Variants in NCOA3 observed in about 807,000 individuals in gnomAD.
The protein encoded by NCOA3 is nuclear receptor coactivator 3.
NCOA3 carries 51 observed loss-of-function variants against 158.8 expected under a neutral mutation model. The ratio of observed to expected loss-of-function variants is 0.32; its 90% CI spans 0.26 to 0.41. NCOA3 has a LOEUF of 0.41. Among genes scored for constraint, NCOA3 ranks in the 10% least tolerant of loss-of-function variants. NCOA3 has a pLI of 1.00. For synonymous variants in NCOA3, 537 were observed against 592.4 expected, an observed-to-expected ratio of 0.91 and a Z score of 1.36; for missense variants, 1,510 against 1,746.6, an observed-to-expected ratio of 0.86 and a Z score of 2.41.
intron 19 of NCOA3, among the ~76,000 whole-genome samples, chr20:47,650,477 C>G (rs1029353357): frequency 2.0e-5 from 3 of 151,880 alleles, no homozygotes; most frequent in Non-Finnish European, 4.4e-5. Context: ...TCTCGAACTC[C>G]TGACCTCAAG....
rs2086782167 is a variant in NCOA3, at chr20:47,651,079, AGCAGCAG to A, written c.3750_3756del (p.Gln1250HisfsTer35). The A allele has an allele frequency of 8.0e-7, 1 of 1,254,930 alleles. No individual in the cohort carries two copies. Among genetic ancestry groups the A allele is most frequent in the Non-Finnish European group, 1.1e-6 (1 of 900,714 alleles). The allele number at this position is 1,254,930 out of a possible 1,614,324, so 77.7% of individuals were successfully genotyped here. A position where few individuals can be genotyped will look rare whatever the true frequency, so the allele number is the denominator to read the frequency against. ...AGGGTGGCTATGATGATGCAGCAGCAGCAGCAGCAGCAACAGCAGCAGCAGCAGCAGC... is the reference window on the plus strand; with the variant it reads ...AGGGTGGCTATGATGATGCAGCAGCACAGCAACAGCAGCAGCAGCAGCAGC... On this transcript the variant is annotated frameshift_variant, in exon 20 of 23. Transcript: ENST00000371998. LOFTEE classifies it high-confidence loss of function.
chr20:47,651,381 T>C, intron 20 of NCOA3, 105 bp downstream of exon 20: 1 of 1,487,822 alleles, frequency 6.7e-7, no homozygotes, highest in Non-Finnish European at 9.0e-7. Flanking sequence ...ATTCACTCCC[T>C]CTTTACTTCA....
At chr20:47,509,934 G>A (rs568009144) in intron 1 of NCOA3, among the ~76,000 whole-genome samples, 8 of 152,178 alleles carry the variant, frequency 5.3e-5, no homozygotes, top group East Asian at 3.9e-4. Flanking sequence ...TGTCTTCACC[G>A]CAGTTGGAAC....
Position 47,652,510 on chromosome 20 carries a change from C to T in NCOA3, c.4051C>T (p.Pro1351Ser), listed in dbSNP as rs1009727313. ...CTCCCAGAATCCCATGATGCAACACCCGCAGGCTGCATCCATCTATCAGTC... is the reference window on the plus strand; with the variant it reads ...CTCCCAGAATCCCATGATGCAACACTCGCAGGCTGCATCCATCTATCAGTC... ...GPSQNPMMQH[P>S]QAASIYQSSE... The change falls in exon 21 of 23, where the codon CCG becomes TCG. Residue 1351 changes from proline (P) to serine (S), a missense_variant. Coordinates refer to ENST00000371998, the MANE Select transcript of NCOA3 (RefSeq NM_181659.3). 3 of 1,613,998 alleles carry T rather than the reference C, an allele frequency of 1.9e-6. No individual in the cohort carries two copies. The highest frequency in any genetic ancestry group is 1.7e-6 in the Non-Finnish European group (2 of 1,179,896).
chr20:47,619,470 C>A (rs988772479), intron 2 of NCOA3, among the ~76,000 whole-genome samples: 8 of 151,132 alleles, frequency 5.3e-5, no homozygotes, highest in Non-Finnish European at 7.4e-5. Context: ...CATAGTGAGA[C>A]CCTGTCTCTC....
intron 2 of NCOA3, among the ~76,000 whole-genome samples, chr20:47,589,129 G>A (rs1468054966): frequency 6.6e-6 from 1 of 152,020 alleles, no homozygotes; most frequent in Non-Finnish European, 1.5e-5. Flanking sequence ...CTGACCTCAG[G>A]TGATCCACCC....
intron 1 of NCOA3, among the ~76,000 whole-genome samples, chr20:47,552,515 A>G (rs1208450392): frequency 6.6e-6 from 1 of 152,186 alleles, no homozygotes; most frequent in Non-Finnish European, 1.5e-5. Flanking sequence ...TGTCCATATA[A>G]GAACAGGATG....
intron 3 of NCOA3, chr20:47,622,977 G>C (rs1281373299): frequency 6.6e-6 from 1 of 152,214 alleles, no homozygotes; most frequent in Admixed American, 6.5e-5. Flanking sequence ...AGACCATCTG[G>C]ATGTATATGT....
At position 47,600,238 on chromosome 20, in the gene NCOA3, G is replaced by A. The variant is rs901776601; in HGVS notation, c.-20+16977G>A. Among the ~76,000 whole-genome samples the A allele has an allele frequency of 3.3e-5, 5 of 150,820 alleles. No homozygotes were observed. The East Asian group carries it at 7.8e-4, about 23-fold the overall frequency. ...TGCCCAGGCTGGAGTGCAGTGGCACGATCTTGGCTCACTGCAAGCTCCACC... is the reference window on the plus strand; with the variant it reads ...TGCCCAGGCTGGAGTGCAGTGGCACAATCTTGGCTCACTGCAAGCTCCACC... On this transcript the variant is annotated intron_variant, in intron 2 of 22. Transcript: ENST00000371998.
chr20:47,527,664 T>C (rs762281238), intron 1 of NCOA3, among the ~76,000 whole-genome samples: 2 of 152,226 alleles, frequency 1.3e-5, no homozygotes. Flanking sequence ...GATCATATGG[T>C]AAATGTATGT....
rs781723310 is a variant in NCOA3 at position 47,639,038 on chromosome 20, T to C, written c.2543T>C (p.Ile848Thr). 1.9e-6 allele frequency: 3 copies of C among 1,613,870 alleles called. No individual in the cohort carries two copies. The South Asian group carries it at 3.3e-5, about 18-fold the overall frequency. The part of the protein sequence containing the change: ...GLKSSQSVQS[I>T]RPPYNRAVSL... Reference sequence around the variant, plus strand: ...AAAAGTTCACAGTCTGTGCAGTCTATTCGTCCTCCATATAACCGAGCAGTG... The same window carrying C: ...AAAAGTTCACAGTCTGTGCAGTCTACTCGTCCTCCATATAACCGAGCAGTG... The change falls in exon 14 of 23, where the codon ATT becomes ACT. Residue 848 changes from isoleucine (I) to threonine (T), a missense_variant. Transcript: ENST00000371998.
intron 1 of NCOA3, among the ~76,000 whole-genome samples, chr20:47,567,028 G>T (rs200196150): frequency 2.0e-5 from 3 of 151,280 alleles, no homozygotes; most frequent in Admixed American, 1.3e-4. Flanking sequence ...ATGTATGTAT[G>T]TATGTATGTA....
At chr20:47,539,442 G>A (rs990326841) in intron 1 of NCOA3, among the ~76,000 whole-genome samples, 1 of 152,202 alleles carries the variant, frequency 6.6e-6, no homozygotes, top group Admixed American at 6.5e-5. Flanking sequence ...TGCTCAGAAT[G>A]GTGGCAGACA....
In NCOA3 at chr20:47,568,244, C is replaced by T. The variant is rs1435568648; in HGVS notation, c.-98-14939C>T. The stretch of plus-strand genomic sequence containing the variant: ...ATAAAACCAGGGAGGAATGATGGCA[C>T]TTCCGTTGTGCCAGACCGTGGCAAG... On this transcript the variant is annotated intron_variant, in intron 1 of 22. Transcript: ENST00000371998. Among the ~76,000 whole-genome samples the T allele has an allele frequency of 2.6e-5, 4 of 152,138 alleles. No individual in the cohort carries two copies. The South Asian group carries it at 6.2e-4, about 24-fold the overall frequency.
At chr20:47,616,349 A>G (rs112105393) in intron 2 of NCOA3, among the ~76,000 whole-genome samples, 2,262 of 151,170 alleles carry the variant, frequency 0.015, 54 homozygotes, top group African/African-American at 0.051. Context: ...ATGTGTCACC[A>G]CGCCCGGCTA....
intron 1 of NCOA3, among the ~76,000 whole-genome samples, chr20:47,518,872 A>C (rs1475410082): frequency 6.6e-6 from 1 of 152,118 alleles, no homozygotes; most frequent in East Asian, 1.9e-4. Context: ...GCGGTGGCTC[A>C]CGCCTGTAAC....
intron 2 of NCOA3, among the ~76,000 whole-genome samples, chr20:47,613,370 G>A (rs556007095): frequency 1.0e-4 from 14 of 133,924 alleles, no homozygotes; most frequent in African/African-American, 3.9e-4. Context: ...AAATTTAATT[G>A]TTTTTCTGTT....
chr20:47,504,239 A>C (rs1282606395), intron 1 of NCOA3, among the ~76,000 whole-genome samples: 1 of 152,212 alleles, frequency 6.6e-6, no homozygotes, highest in African/African-American at 2.4e-5. Flanking sequence ...GAAAATGATT[A>C]TGCTGTGCAT....
chr20:47,627,093 A>T lies in NCOA3; in HGVS notation c.449A>T (p.Glu150Val), dbSNP rs1471805782. ...NVTQYLQYKQ[E>V]DLVNTSVYNI... Reference sequence around the variant, plus strand: ...ACACAATACCTGCAATATAAGCAAGAGGACCTGGTTAACACAAGTGTTTAC... The same window carrying T: ...ACACAATACCTGCAATATAAGCAAGTGGACCTGGTTAACACAAGTGTTTAC... Residue 150 changes from glutamate (E) to valine (V), a missense_variant, in exon 6 of 23, where the codon GAG becomes GTG. By Grantham distance (121) the Glu-to-Val change is moderately radical. Around this residue, in one of 4 missense-constraint regions of NCOA3, gnomAD observed 309 missense variants for 427.1 expected, o/e 0.72. Coordinates refer to ENST00000371998, the MANE Select transcript of NCOA3 (RefSeq NM_181659.3). 5 of 1,612,932 alleles carry T rather than the reference A, an allele frequency of 3.1e-6. No homozygotes were observed.
Sources: gnomAD v4.1 joint callset for allele counts (sites outside exome capture counted in the v4.1 genomes callset) on GRCh38, gnomAD v4.1.1 for gene constraint, gnomAD v4.1.1 regional missense constraint, MANE v1.5 for transcripts, NCBI Gene and HGNC (gene_info 2026-07-23, HGNC 2026-07-21) for gene names.